The following PIAS2 variants were observed in gnomAD, a reference collection of about 807,000 sequenced individuals.
The protein encoded by PIAS2 is protein inhibitor of activated STAT 2.
Under a neutral mutation model 69.7 loss-of-function variants are expected in PIAS2, and 19 were observed. The observed-to-expected ratio is 0.27, with a 90% CI of 0.19 to 0.40. PIAS2 has a LOEUF of 0.40. Ranked by LOEUF, PIAS2 falls within the 10% of genes least tolerant of loss-of-function variation. PIAS2 has a pLI of 1.00. For synonymous variants in PIAS2, 261 were observed against 263.2 expected, an observed-to-expected ratio of 0.99 and a Z score of 0.08; for missense variants, 624 against 757.0, an observed-to-expected ratio of 0.82 and a Z score of 2.06.
intron 2 of PIAS2, among the ~76,000 whole-genome samples, chr18:46,888,578 C>T (rs2053569956): frequency 6.6e-6 from 1 of 152,152 alleles, no homozygotes; most frequent in Non-Finnish European, 1.5e-5. Flanking sequence ...CAGTCACAAC[C>T]TTTTTGGCCA....
chr18:46,835,502 A>C (rs1417268115), intron 9 of PIAS2, among the ~76,000 whole-genome samples: 1 of 152,188 alleles, frequency 6.6e-6, no homozygotes, highest in Non-Finnish European at 1.5e-5. Context: ...ATGTTGCCCA[A>C]GCTCACCTTG....
At chr18:46,827,751 C>T (rs1251839276) in intron 11 of PIAS2, 8 of 466,606 alleles carry the variant, frequency 1.7e-5, no homozygotes, top group East Asian at 1.6e-4. Flanking sequence ...ATACCTCACA[C>T]GCTCACTTTC....
chr18:46,826,956 G>C (rs937697317), intron 11 of PIAS2: 1 of 152,060 alleles, frequency 6.6e-6, no homozygotes, highest in African/African-American at 2.4e-5. Flanking sequence ...CCTAGATTTG[G>C]GGTGTAAATA....
rs1289254598 is a variant in PIAS2 at position 46,807,355 on chromosome 18, TTATATATATA to T, written c.*5068_*5077del. On this transcript the variant is annotated 3_prime_UTR_variant, in exon 14 of 14. Transcript: ENST00000585916. ...AGGTGTTTCTGAAACATGTCAGATT[TTATATATATA>T]TATATATATATATATATATTTTTTT... The T allele has an allele frequency of 1.6e-3, 49 of 29,966 alleles. 2 individuals are homozygous for T. Among genetic ancestry groups the T allele is most frequent in the African/African-American group, 9.6e-3 (46 of 4,778 alleles). The allele number at this position is 29,966 out of a possible 1,614,324, so 1.9% of individuals were successfully genotyped here.
In PIAS2 at chr18:46,836,524, G is replaced by A. The variant is rs759097046; in HGVS notation, c.1042-7C>T. 7.5e-6 allele frequency: 12 copies of A among 1,602,426 alleles called. No individual in the cohort carries two copies. In the East Asian group the frequency reaches 2.2e-4, roughly 30 times the overall value. ...TCAGCCTCATTTTTCCTAACTACAG[G>A]ACAGGAAACACAAGGAAAACTATTT... On this transcript the variant is annotated splice_polypyrimidine_tract_variant and splice_region_variant and intron_variant, in intron 8 of 13. Coordinates refer to ENST00000585916, the MANE Select transcript of PIAS2 (RefSeq NM_004671.5).
chr18:46,857,023 T>TCACCAACAA (rs2047942551), intron 3 of PIAS2, among the ~76,000 whole-genome samples: 1 of 152,254 alleles, frequency 6.6e-6, no homozygotes, highest in Non-Finnish European at 1.5e-5. Flanking sequence ...ATCAAGTTGC[T>TCACCAACAA]GTGACAATTA....
intron 12 of PIAS2, chr18:46,815,684 T>A (rs1350133489): frequency 5.9e-6 from 6 of 1,012,620 alleles, no homozygotes; most frequent in African/African-American, 1.7e-5. Context: ...TGATCTGGAT[T>A]TGAACCATCT....
chr18:46,898,853 G>A (rs1319823309), intron 1 of PIAS2, among the ~76,000 whole-genome samples: 1 of 151,902 alleles, frequency 6.6e-6, no homozygotes, highest in Non-Finnish European at 1.5e-5. Flanking sequence ...TATTAGCCGG[G>A]CGTGATGGGA....
At chr18:46,832,816 TG>T (rs1259312438) in intron 9 of PIAS2, among the ~76,000 whole-genome samples, 1 of 130,958 alleles carries the variant, frequency 7.6e-6, no homozygotes, top group Non-Finnish European at 1.6e-5. Flanking sequence ...CACTTGAACC[TG>T]GGGGGTGGGG....
Position 46,882,054 on chromosome 18 carries a change from G to A in PIAS2, c.499+8526C>T, listed in dbSNP as rs187786752. On this transcript the variant is annotated intron_variant, in intron 2 of 13. Transcript: ENST00000585916. ...AGAGGTTGCAGTGAGCCAAGATCCC[G>A]CCACTGCATTCCAGCCTGGGTGACA... is the stretch of plus-strand genomic sequence containing the variant. Among the ~76,000 whole-genome samples, 161 of 152,030 alleles carry A rather than the reference G, an allele frequency of 1.1e-3. 1 individual carries two copies. In the East Asian group the frequency reaches 0.019, roughly 18 times the overall value.
rs1250525197 is a variant in PIAS2 at position 46,808,420 on chromosome 18, T to G, written c.*4013A>C. 6.6e-6 allele frequency: 1 copy of G among 152,248 alleles called. No homozygotes were observed. The highest frequency in any genetic ancestry group is 1.5e-5 in the Non-Finnish European group (1 of 68,044). 9.4% of individuals were successfully genotyped at this position (152,248 alleles called of 1,614,324 possible). A position where few individuals can be genotyped will look rare whatever the true frequency, so the allele number is the denominator to read the frequency against. The stretch of plus-strand genomic sequence containing the variant: ...GAATGGACATTGGGTACAGCTTTAT[T>G]TATTTCTTTTAGGAATTGCAGGTTC... On this transcript the variant is annotated 3_prime_UTR_variant, in exon 14 of 14. Coordinates refer to ENST00000585916, the MANE Select transcript of PIAS2 (RefSeq NM_004671.5).
intron 1 of PIAS2, among the ~76,000 whole-genome samples, chr18:46,913,192 A>C (rs949396413): frequency 6.6e-6 from 1 of 152,164 alleles, no homozygotes; most frequent in Non-Finnish European, 1.5e-5. Context: ...CAAATCCCCC[A>C]TTAACTTCCC....
chr18:46,901,325 C>G, intron 1 of PIAS2: 1 of 295,652 alleles, frequency 3.4e-6, no homozygotes, highest in Non-Finnish European at 6.7e-6. Flanking sequence ...AGGAGAATCG[C>G]TTGAACCTGG....
chr18:46,892,015 G>A (rs540427327), intron 1 of PIAS2, among the ~76,000 whole-genome samples: 2 of 152,150 alleles, frequency 1.3e-5, no homozygotes, highest in South Asian at 4.2e-4. Flanking sequence ...CCAAAGCCCT[G>A]TCAGAAACCT....
intron 11 of PIAS2, chr18:46,827,317 G>A (rs1281640370): frequency 1.3e-5 from 2 of 152,134 alleles, no homozygotes. Flanking sequence ...ATGCAGGTCA[G>A]TAATGCCTTC....
intron 12 of PIAS2, chr18:46,817,138 T>C (rs962941721): frequency 2.1e-6 from 2 of 952,524 alleles, no homozygotes; most frequent in South Asian, 4.8e-5. Flanking sequence ...TCTTCATTTT[T>C]ACAATAGCTT....
chr18:46,823,733 C>T (rs1227578011), intron 11 of PIAS2, among the ~76,000 whole-genome samples: 2 of 152,150 alleles, frequency 1.3e-5, no homozygotes, highest in Non-Finnish European at 2.9e-5. Flanking sequence ...TTGGTTAATT[C>T]CCATTACCTG....
chr18:46,837,511 C>T (rs1171514385), intron 8 of PIAS2, among the ~76,000 whole-genome samples: 1 of 152,060 alleles, frequency 6.6e-6, no homozygotes, highest in East Asian at 1.9e-4. Flanking sequence ...ACATGAACTG[C>T]AAATATATTT....
chr18:46,829,860 T>C lies in PIAS2; in HGVS notation c.1210A>G (p.Met404Val). ...TCAGAACAGTCATTGAGAATTTCCA[T>C]AAAAAGCCTAAAAAACAATTAAGAA... ...YESLILDGLF[M>V]EILNDCSDVD... Residue 404 changes from methionine (M) to valine (V), a missense_variant, in exon 10 of 14, where the codon ATG becomes GTG. Around this residue, in one of 3 missense-constraint regions of PIAS2, gnomAD observed 44 missense variants for 90.9 expected, o/e 0.48. Coordinates refer to ENST00000585916, the MANE Select transcript of PIAS2 (RefSeq NM_004671.5). The C allele has an allele frequency of 1.2e-6, 2 of 1,610,346 alleles. No homozygotes were observed. The highest frequency in any genetic ancestry group is 1.7e-6 in the Non-Finnish European group (2 of 1,178,750).
Sources: gnomAD v4.1 joint callset for allele counts (sites outside exome capture counted in the v4.1 genomes callset) on GRCh38, gnomAD v4.1.1 for gene constraint, gnomAD v4.1.1 regional missense constraint, MANE v1.5 for transcripts, NCBI Gene and HGNC (gene_info 2026-07-23, HGNC 2026-07-21) for gene names.